Variants in EVI5 observed in about 807,000 individuals in gnomAD.
The protein encoded by EVI5 is ecotropic viral integration site 5, also known as ecotropic viral integration site 5 protein homolog.
EVI5 carries 73 observed loss-of-function variants against 112.0 expected under a neutral mutation model. That is an observed-to-expected ratio of 0.65 (90% CI 0.54 to 0.79). The LOEUF (loss-of-function observed/expected upper bound fraction) is 0.79, where lower values mean the gene tolerates loss of function less well. EVI5 is among the 30% of genes least tolerant of loss of function. The probability of loss-of-function intolerance (pLI) is 0.00; values close to 1 mark genes in which losing one functional copy is unlikely to be tolerated. For missense variants in EVI5, 900 were observed against 968.8 expected, an observed-to-expected ratio of 0.93 and a Z score of 0.94; for synonymous variants, 305 against 319.9, an observed-to-expected ratio of 0.95 and a Z score of 0.50.
Position 92,635,021 on chromosome 1 carries a change from G to T in EVI5, c.1527+1181C>A, listed in dbSNP as rs1011420864. Among the ~76,000 whole-genome samples, 19 of 152,308 alleles carry T rather than the reference G, an allele frequency of 1.2e-4. No homozygotes were observed. The South Asian group carries it at 1.5e-3, about 12-fold the overall frequency. ...TATTTGGTGAACAGCAAATGTTGCT[G>T]CCTGATCGTTCCTCTGGAAGCTTTG... is the stretch of plus-strand genomic sequence containing the variant. On this transcript the variant is annotated intron_variant, in intron 14 of 19. Coordinates refer to ENST00000684568, the MANE Select transcript of EVI5 (RefSeq NM_001350197.2).
chr1:92,711,536 T>C (rs1009331775), intron 2 of EVI5, among the ~76,000 whole-genome samples: 7 of 152,128 alleles, frequency 4.6e-5, no homozygotes, highest in Non-Finnish European at 8.8e-5. Flanking sequence ...AGTGCAGTAG[T>C]CCCAGCTACT....
intron 14 of EVI5, among the ~76,000 whole-genome samples, chr1:92,627,316 T>C (rs1329580509): frequency 1.3e-5 from 2 of 152,358 alleles, no homozygotes; most frequent in South Asian, 2.1e-4. Context: ...TCCAATCTCA[T>C]CCAGGACACT....
intron 2 of EVI5, among the ~76,000 whole-genome samples, chr1:92,727,226 G>A (rs1244911003): frequency 6.6e-6 from 1 of 152,078 alleles, no homozygotes; most frequent in African/African-American, 2.4e-5. Context: ...GGAGACTAAT[G>A]GGTACAGAGT....
intron 18 of EVI5, among the ~76,000 whole-genome samples, chr1:92,572,921 A>G (rs923177733): frequency 6.6e-6 from 1 of 152,104 alleles, no homozygotes; most frequent in Non-Finnish European, 1.5e-5. Flanking sequence ...CAGAATCATG[A>G]TTAGTTGCAA....
rs1469322955 is a variant in EVI5 at position 92,658,251 on chromosome 1, GAGAA to G, written c.1392+4464_1392+4467del. On this transcript the variant is annotated intron_variant, in intron 13 of 19. Transcript: ENST00000684568. Reference sequence around the variant, plus strand: ...AGTCTTAGCCAGAGCAACCAGGAAAGAGAAAGAAATAAAAGATATTCAAATTGGA... The same window carrying G: ...AGTCTTAGCCAGAGCAACCAGGAAAGAGAAATAAAAGATATTCAAATTGGA... Among the ~76,000 whole-genome samples, 4 of 152,236 alleles carry G rather than the reference GAGAA, an allele frequency of 2.6e-5. No homozygotes were observed. The East Asian group carries it at 7.7e-4, about 29-fold the overall frequency.
chr1:92,714,720 G>A (rs1673351716), intron 2 of EVI5, among the ~76,000 whole-genome samples: 2 of 152,144 alleles, frequency 1.3e-5, no homozygotes, highest in Admixed American at 1.3e-4. Flanking sequence ...CTCCTAGGTA[G>A]CTAGGACTAC....
intron 1 of EVI5, among the ~76,000 whole-genome samples, chr1:92,750,775 C>A (rs1680054854): frequency 1.3e-5 from 2 of 152,088 alleles, no homozygotes; most frequent in African/African-American, 4.8e-5. Context: ...TCAATTAGTT[C>A]TTTCCCCATC....
In EVI5 at chr1:92,717,999, C is replaced by T. The variant is rs143892880; in HGVS notation, c.150-13255G>A. On this transcript the variant is annotated intron_variant, in intron 2 of 19. Coordinates refer to ENST00000684568, the MANE Select transcript of EVI5 (RefSeq NM_001350197.2). The stretch of plus-strand genomic sequence containing the variant: ...GATCAATTCAACAAGAGCTAACTAT[C>T]CTAAATATATATGCACCCAATACAG... Among the ~76,000 whole-genome samples, 1,229 of 152,264 alleles carry T rather than the reference C, an allele frequency of 8.1e-3. 2 individuals are homozygous for T. Among genetic ancestry groups the T allele is most frequent in the Non-Finnish European group, 0.013 (896 of 68,004 alleles).
chr1:92,585,182 C>A (rs1672574753), intron 18 of EVI5, among the ~76,000 whole-genome samples: 1 of 147,582 alleles, frequency 6.8e-6, no homozygotes. Flanking sequence ...GAGATTGCAC[C>A]ATTGCACTCT....
At chr1:92,717,484 A>AC (rs1673932711) in intron 2 of EVI5, among the ~76,000 whole-genome samples, 1 of 152,202 alleles carries the variant, frequency 6.6e-6, no homozygotes. Flanking sequence ...CTTTACAGAC[A>AC]AGCAAATGCT....
At chr1:92,751,389 T>G (rs1388917540) in intron 1 of EVI5, among the ~76,000 whole-genome samples, 2 of 152,188 alleles carry the variant, frequency 1.3e-5, no homozygotes, top group African/African-American at 2.4e-5. Flanking sequence ...CTCAACATAT[T>G]CGAGCATATC....
intron 19 of EVI5, among the ~76,000 whole-genome samples, chr1:92,523,092 TG>T (rs1333165189): frequency 6.6e-6 from 1 of 151,912 alleles, no homozygotes; most frequent in Non-Finnish European, 1.5e-5. Context: ...GCAAGGTCTA[TG>T]CTCCCTAGGC....
rs60815312 is a variant in EVI5 at position 92,761,433 on chromosome 1, G to A, written c.-82+23403C>T. On this transcript the variant is annotated intron_variant, in intron 1 of 19. Coordinates refer to ENST00000684568, the MANE Select transcript of EVI5 (RefSeq NM_001350197.2). ...AAAATAAATAGCAATATATCAAACT[G>A]AGAAGTACATCCTAAAATGTTTGCT... Among the ~76,000 whole-genome samples, 1,398 of 152,202 alleles carry A rather than the reference G, an allele frequency of 9.2e-3. 20 individuals are homozygous for A. Among genetic ancestry groups the A allele is most frequent in the African/African-American group, 0.032 (1,316 of 41,536 alleles).
At chr1:92,772,158 C>T (rs1248478688) in intron 1 of EVI5, among the ~76,000 whole-genome samples, 6 of 151,844 alleles carry the variant, frequency 4.0e-5, no homozygotes, top group Non-Finnish European at 5.9e-5. Flanking sequence ...GGCCTGCCCA[C>T]TGTACCAGAA....
intron 10 of EVI5, among the ~76,000 whole-genome samples, chr1:92,673,736 C>G (rs961598914): frequency 6.6e-6 from 1 of 152,104 alleles, no homozygotes; most frequent in Non-Finnish European, 1.5e-5. Flanking sequence ...AAATTTCACA[C>G]GCAAAATTTA....
chr1:92,588,258 A>G (rs926417824), intron 18 of EVI5, among the ~76,000 whole-genome samples: 16 of 152,294 alleles, frequency 1.1e-4, no homozygotes, highest in African/African-American at 2.2e-4. Flanking sequence ...AAACCCTCCA[A>G]TGATTTTCCA....
intron 18 of EVI5, among the ~76,000 whole-genome samples, chr1:92,577,675 AG>A (rs1196936983): frequency 1.3e-5 from 2 of 152,222 alleles, no homozygotes; most frequent in East Asian, 3.8e-4. Context: ...GGGAAAGCAT[AG>A]GGTTAGTCAC....
chr1:92,620,012 C>T (rs1408198731), intron 16 of EVI5, among the ~76,000 whole-genome samples: 6 of 152,074 alleles, frequency 3.9e-5, no homozygotes, highest in Admixed American at 2.6e-4. Flanking sequence ...ATAATTGAAA[C>T]CCCTCAAGAA....
chr1:92,772,357 G>A lies in EVI5; in HGVS notation c.-82+12479C>T, dbSNP rs377272474. On this transcript the variant is annotated intron_variant, in intron 1 of 19. Coordinates refer to ENST00000684568, the MANE Select transcript of EVI5 (RefSeq NM_001350197.2). ...CACGCCTGTAATCCCAGCACTTTGG[G>A]AGGCCAAGGCGGGCTGATCACGAGG... 9.9e-5 allele frequency among the ~76,000 whole-genome samples: 15 copies of A among 151,938 alleles called. No individual in the cohort carries two copies. In the East Asian group the frequency reaches 1.8e-3, roughly 18 times the overall value.
Sources: gnomAD v4.1 joint callset for allele counts (sites outside exome capture counted in the v4.1 genomes callset) on GRCh38, gnomAD v4.1.1 for gene constraint, MANE v1.5 for transcripts, NCBI Gene and HGNC (gene_info 2026-07-23, HGNC 2026-07-21) for gene names.